GRB2: variants seen among roughly 807,000 people sequenced by gnomAD.
GRB2 encodes growth factor receptor bound protein 2, also known as growth factor receptor-bound protein 2.
In GRB2, 2 loss-of-function variants were observed where a neutral mutation model predicts 27.4. The observed-to-expected ratio is 0.07, with a 90% CI of 0.03 to 0.23. GRB2 has a LOEUF of 0.23. GRB2 is among the 10% of genes least tolerant of loss of function. The pLI, the probability that GRB2 is intolerant of heterozygous loss-of-function variation, is 1.00. For missense variants in GRB2, 102 were observed against 282.4 expected (o/e 0.36, Z 4.58); for synonymous variants, 94 against 99.6 (o/e 0.94, Z 0.33).
intron 3 of GRB2, among the ~76,000 whole-genome samples, chr17:75,331,672 G>GT (rs1277513606): frequency 6.6e-6 from 1 of 152,142 alleles, no homozygotes; most frequent in Non-Finnish European, 1.5e-5. Flanking sequence ...ACCTAAGACT[G>GT]TTTTTTAAAT....
chr17:75,337,864 C>CCTACTTTTACTACTA (rs796075893), intron 2 of GRB2, among the ~76,000 whole-genome samples: 1,247 of 115,744 alleles, frequency 0.011, 43 homozygotes, highest in Non-Finnish European at 0.017. Flanking sequence ...CTGCGCCCGG[C>CCTACTTTTACTACTA]CTACTATTAC....
intron 2 of GRB2, among the ~76,000 whole-genome samples, chr17:75,381,736 A>AAAAAAAAAAG (rs2078930190): frequency 4.7e-5 from 5 of 106,468 alleles, no homozygotes; most frequent in East Asian, 2.7e-4. Context: ...AAAAAAAAAG[A>AAAAAAAAAAG]AAAAAAAAAA....
intron 2 of GRB2, among the ~76,000 whole-genome samples, chr17:75,344,005 A>AG (rs1255387757): frequency 6.6e-6 from 1 of 152,222 alleles, no homozygotes; most frequent in African/African-American, 2.4e-5. Context: ...CAAGGAGCTT[A>AG]GGGGACTAGA....
At chr17:75,400,469 G>A (rs1201337128) in intron 1 of GRB2, among the ~76,000 whole-genome samples, 1 of 151,184 alleles carries the variant, frequency 6.6e-6, no homozygotes, top group Non-Finnish European at 1.5e-5. Context: ...ACCATACCCA[G>A]CCTCATGCTC....
At chr17:75,338,057 G>C (rs1234060884) in intron 2 of GRB2, among the ~76,000 whole-genome samples, 2 of 35,306 alleles carry the variant, frequency 5.7e-5, no homozygotes, top group African/African-American at 7.2e-5. Flanking sequence ...AGCCTCTCGA[G>C]TAGCTGGGAT....
intron 2 of GRB2, among the ~76,000 whole-genome samples, chr17:75,356,129 T>C (rs6501780): frequency 0.88 from 133,540 of 151,556 alleles, 59,611 homozygotes; most frequent in Non-Finnish European, 0.96. Flanking sequence ...CCACCGCACC[T>C]GGCCCTATCT....
At chr17:75,368,341 G>A (rs536844669) in intron 2 of GRB2, among the ~76,000 whole-genome samples, 2 of 150,724 alleles carry the variant, frequency 1.3e-5, no homozygotes, top group Non-Finnish European at 2.9e-5. Context: ...TCAGCCTCCT[G>A]AGTAGGTGGG....
At chr17:75,379,100 A>G (rs1388909679) in intron 2 of GRB2, among the ~76,000 whole-genome samples, 1 of 152,168 alleles carries the variant, frequency 6.6e-6, no homozygotes, top group East Asian at 1.9e-4. Context: ...AATTTTGAAT[A>G]TGGTTTCATT....
At chr17:75,344,660 A>C (rs1017027395) in intron 2 of GRB2, among the ~76,000 whole-genome samples, 2 of 151,992 alleles carry the variant, frequency 1.3e-5, no homozygotes, top group African/African-American at 4.8e-5. Flanking sequence ...CCAAAGTGCC[A>C]GGATTTACAG....
rs369545076 is a variant in GRB2 at position 75,342,252 on chromosome 17, G to A, written c.79-9455C>T. ...TCTTGGCCCCCTCCCAAACTAACCC[G>A]CAAGCAATGAAGCTGGCTCCATACC... is the stretch of plus-strand genomic sequence containing the variant. On this transcript the variant is annotated intron_variant, in intron 2 of 5. Coordinates refer to ENST00000316804, the MANE Select transcript of GRB2 (RefSeq NM_002086.5). 2.6e-5 allele frequency among the ~76,000 whole-genome samples: 4 copies of A among 152,202 alleles called. No individual in the cohort carries two copies. In the South Asian group the frequency reaches 8.3e-4, roughly 32 times the overall value.
intron 3 of GRB2, among the ~76,000 whole-genome samples, chr17:75,327,856 A>G (rs1040099082): frequency 6.6e-6 from 1 of 152,116 alleles, no homozygotes; most frequent in Non-Finnish European, 1.5e-5. Context: ...ATAGTCTGAC[A>G]TCTACCTGCT....
intron 2 of GRB2, among the ~76,000 whole-genome samples, chr17:75,333,689 C>T (rs2078556574): frequency 6.6e-6 from 1 of 152,082 alleles, no homozygotes; most frequent in Non-Finnish European, 1.5e-5. Context: ...CATATGCCCT[C>T]GTATGGGAAA....
intron 1 of GRB2, among the ~76,000 whole-genome samples, chr17:75,403,269 A>G (rs575591677): frequency 3.7e-4 from 56 of 150,796 alleles, no homozygotes; most frequent in African/African-American, 1.3e-3. Flanking sequence ...GGGCATGGTG[A>G]CTCTCTATTC....
intron 2 of GRB2, among the ~76,000 whole-genome samples, chr17:75,348,624 G>A (rs1434962390): frequency 1.3e-5 from 2 of 152,132 alleles, no homozygotes; most frequent in Non-Finnish European, 2.9e-5. Context: ...AGTGAGATAA[G>A]GGAAATTGCT....
At chr17:75,355,989 C>A (rs1269807295) in intron 2 of GRB2, among the ~76,000 whole-genome samples, 1 of 151,762 alleles carries the variant, frequency 6.6e-6, no homozygotes, top group African/African-American at 2.4e-5. Context: ...CGCTGCCATG[C>A]CCGGCTAATT....
chr17:75,363,275 T>C (rs948518591), intron 2 of GRB2, among the ~76,000 whole-genome samples: 1 of 152,088 alleles, frequency 6.6e-6, no homozygotes, highest in African/African-American at 2.4e-5. Context: ...CACTCATAAA[T>C]AAGGAACTGC....
chr17:75,323,037 T>C (rs1297252405), intron 4 of GRB2, among the ~76,000 whole-genome samples: 7 of 148,578 alleles, frequency 4.7e-5, no homozygotes, highest in Non-Finnish European at 1.5e-5. Flanking sequence ...GAGAATGGTG[T>C]GAACCCGGGA....
rs371871562 is a variant in GRB2 at position 75,320,378 on chromosome 17, C to G, written c.644G>C (p.Arg215Pro). 1 of 1,613,492 alleles carries G rather than the reference C, an allele frequency of 6.2e-7. No homozygotes were observed. The highest frequency in any genetic ancestry group is 1.3e-5 in the African/African-American group (1 of 74,912). Residue 215 changes from arginine to proline, a missense_variant, in exon 6 of 6, where the codon CGG becomes CCG. Around this residue, in one of 3 missense-constraint regions of GRB2, gnomAD observed 57 missense variants for 152.9 expected, o/e 0.37. Transcript: ENST00000316804. The surrounding 1 kb of genome is among the most constrained non-coding windows in gnomAD (Gnocchi z 4.3). ...ATTGCTTCTTGACTCTTAGACGTTC[C>G]GGTTCACGGGGGTGACATAATTGCG... ...FPRNYVTPVNRNV is the reference protein window; with the variant it reads ...FPRNYVTPVNPNV
rs200586287 is a variant in GRB2, at chr17:75,343,176, CAT to C, written c.79-10381_79-10380del. Among the ~76,000 whole-genome samples the C allele has an allele frequency of 8.4e-3, 1,276 of 151,774 alleles. 19 individuals are homozygous for C. Among genetic ancestry groups the C allele is most frequent in the African/African-American group, 0.03 (1,223 of 41,368 alleles). On this transcript the variant is annotated intron_variant, in intron 2 of 5. Coordinates refer to ENST00000316804, the MANE Select transcript of GRB2 (RefSeq NM_002086.5). The stretch of plus-strand genomic sequence containing the variant: ...GAGGAGGTGTAAGTCTGTTTCTACA[CAT>C]GTCCTATTAATCCCTCTCAGGATGG...
Sources: gnomAD v4.1 joint callset for allele counts (sites outside exome capture counted in the v4.1 genomes callset) on GRCh38, gnomAD v4.1.1 for gene constraint, gnomAD v4.1.1 regional missense constraint, Gnocchi (gnomAD v3.1) non-coding constraint, MANE v1.5 for transcripts, NCBI Gene and HGNC (gene_info 2026-07-23, HGNC 2026-07-21) for gene names.